The following MTUS2 variants were observed in gnomAD, a reference collection of about 807,000 sequenced individuals.
MTUS2 encodes microtubule-associated tumor suppressor candidate 2.
MTUS2 carries 40 observed loss-of-function variants against 114.1 expected under a neutral mutation model. The observed-to-expected ratio is 0.35, with a 90% CI of 0.27 to 0.46. MTUS2 has a LOEUF of 0.46. Ranked by LOEUF, MTUS2 falls within the 20% of genes least tolerant of loss-of-function variation. The pLI is 1.00. For synonymous variants in MTUS2, 688 were observed against 672.0 expected (o/e 1.02, Z -0.37); for missense variants, 1,679 against 1,705.4 (o/e 0.98, Z 0.27).
At chr13:29,311,143 A>C (rs960532670) in intron 6 of MTUS2, among the ~76,000 whole-genome samples, 1 of 152,240 alleles carries the variant, frequency 6.6e-6, no homozygotes, top group Admixed American at 6.5e-5. Flanking sequence ...GTGTGGTTTC[A>C]TCCACGTCAA....
chr13:29,159,600 A>G (rs1278706162), intron 5 of MTUS2, among the ~76,000 whole-genome samples: 1 of 152,188 alleles, frequency 6.6e-6, no homozygotes, highest in African/African-American at 2.4e-5. Context: ...TGCAAACCAC[A>G]TATCTGACAA....
In MTUS2 at chr13:29,481,099, T is replaced by G. The variant is rs558901383; in HGVS notation, c.3399+735T>G. Among the ~76,000 whole-genome samples, 7 of 152,326 alleles carry G rather than the reference T, an allele frequency of 4.6e-5. No homozygotes were observed. The East Asian group carries it at 1.3e-3, about 29-fold the overall frequency. On this transcript the variant is annotated intron_variant, in intron 10 of 15. Coordinates refer to ENST00000612955, the MANE Select transcript of MTUS2 (RefSeq NM_001033602.4). ...ATTGCCTGCCAACTCTCCTGCTGGA[T>G]CCTGGCACCTGGATCCATGCCTGGC...
intron 8 of MTUS2, among the ~76,000 whole-genome samples, chr13:29,377,433 C>G (rs528399705): frequency 6.6e-6 from 1 of 152,090 alleles, no homozygotes; most frequent in African/African-American, 2.4e-5. Flanking sequence ...GATTTTGTCT[C>G]ATTGATTTGT....
intron 5 of MTUS2, among the ~76,000 whole-genome samples, chr13:29,211,877 T>C (rs1284405075): frequency 5.3e-5 from 8 of 151,962 alleles, no homozygotes; most frequent in South Asian, 2.1e-4. Flanking sequence ...TGTTCTTCAG[T>C]AGTTCTTGGA....
At chr13:29,243,787 G>T (rs1476439113) in intron 5 of MTUS2, among the ~76,000 whole-genome samples, 1 of 152,186 alleles carries the variant, frequency 6.6e-6, no homozygotes, top group Non-Finnish European at 1.5e-5. Flanking sequence ...TTGAAGAACA[G>T]AAACTCATTC....
chr13:29,389,345 G>GCATA (rs1872917129), intron 8 of MTUS2, among the ~76,000 whole-genome samples: 4 of 51,856 alleles, frequency 7.7e-5, no homozygotes, highest in Admixed American at 1.7e-4. Flanking sequence ...ATGTATGCAC[G>GCATA]TGTGTGTATA....
chr13:29,487,475 A>T (rs1229581487), intron 10 of MTUS2: 1 of 175,424 alleles, frequency 5.7e-6, no homozygotes, highest in African/African-American at 2.4e-5. Flanking sequence ...GGACAGCCTA[A>T]TAAGTATTCG....
At chr13:28,991,551 G>GTAGAGAC (rs536476131) in intron 2 of MTUS2, among the ~76,000 whole-genome samples, 44 of 152,096 alleles carry the variant, frequency 2.9e-4, no homozygotes, top group South Asian at 1.0e-3. Context: ...TGTATTTTTA[G>GTAGAGAC]TAGAGACGGG....
At chr13:29,024,089 G>A (rs1336453647) in intron 2 of MTUS2, among the ~76,000 whole-genome samples, 1 of 152,166 alleles carries the variant, frequency 6.6e-6, no homozygotes, top group Non-Finnish European at 1.5e-5. Flanking sequence ...TATGAATGTA[G>A]CGATTGCAAA....
intron 1 of MTUS2, among the ~76,000 whole-genome samples, chr13:28,837,906 C>G (rs1875204820): frequency 1.3e-5 from 2 of 152,122 alleles, no homozygotes; most frequent in Admixed American, 1.3e-4. Context: ...CTCTGAATGT[C>G]AGATTTACTT....
At chr13:29,418,015 T>G (rs2138579943) in intron 8 of MTUS2, among the ~76,000 whole-genome samples, 1 of 152,274 alleles carries the variant, frequency 6.6e-6, no homozygotes, top group South Asian at 2.1e-4. Context: ...TTTTGATTTT[T>G]TGGTACTCTT....
At chr13:29,306,483 A>G (rs1256789098) in intron 6 of MTUS2, among the ~76,000 whole-genome samples, 2 of 152,176 alleles carry the variant, frequency 1.3e-5, no homozygotes, top group East Asian at 1.9e-4. Context: ...TAGCATTCCT[A>G]TACACCAACA....
At chr13:28,926,727 A>G (rs895935046) in intron 2 of MTUS2, among the ~76,000 whole-genome samples, 1 of 152,212 alleles carries the variant, frequency 6.6e-6, no homozygotes, top group Non-Finnish European at 1.5e-5. Context: ...TTTATCAATC[A>G]TCTTTTCATT....
At chr13:29,415,242 CAGG>C (rs1875580001) in intron 8 of MTUS2, among the ~76,000 whole-genome samples, 1 of 152,038 alleles carries the variant, frequency 6.6e-6, no homozygotes, top group African/African-American at 2.4e-5. Context: ...ATTTGAAAAA[CAGG>C]TATAGTCACT....
At chr13:29,031,237 G>GGTGTGTGTGT (rs59288953) in intron 3 of MTUS2, among the ~76,000 whole-genome samples, 20,991 of 122,802 alleles carry the variant, frequency 0.17, 2,156 homozygotes, top group East Asian at 0.4. Flanking sequence ...AGAACTAATA[G>GGTGTGTGTGT]GTGTGTGTGT....
rs758853238 is a variant in MTUS2 at position 29,498,501 on chromosome 13, C to T, written c.3762C>T (p.His1254=). 8.1e-6 allele frequency: 13 copies of T among 1,614,016 alleles called. No homozygotes were observed. The highest frequency in any genetic ancestry group is 5.0e-5 in the Admixed American group (3 of 60,002). Residue 1254 remains histidine, a synonymous_variant, in exon 14 of 16, where the codon CAC becomes CAT. Coordinates refer to ENST00000612955, the MANE Select transcript of MTUS2 (RefSeq NM_001033602.4). ...QVLEMKNQQI[H]EQEKKILELE... ...TAGAAATGAAGAATCAGCAAATACACGAGCAAGAAAAGAAGATTCTTGAGC... is the reference window on the plus strand; with the variant it reads ...TAGAAATGAAGAATCAGCAAATACATGAGCAAGAAAAGAAGATTCTTGAGC...
chr13:29,137,990 G>C (rs1387327342), intron 5 of MTUS2, among the ~76,000 whole-genome samples: 1 of 152,134 alleles, frequency 6.6e-6, no homozygotes, highest in Non-Finnish European at 1.5e-5. Flanking sequence ...GCAGGAGGGG[G>C]AACAACATAG....
chr13:28,970,682 G>A (rs1457197659), intron 2 of MTUS2, among the ~76,000 whole-genome samples: 3 of 152,220 alleles, frequency 2.0e-5, no homozygotes, highest in African/African-American at 7.2e-5. Flanking sequence ...TGCTCTCTGA[G>A]AAGAAAGATT....
In MTUS2 at chr13:29,401,702, T is replaced by C. The variant is rs1433461274; in HGVS notation, c.3118-38281T>C. 2.0e-5 allele frequency among the ~76,000 whole-genome samples: 3 copies of C among 152,198 alleles called. No homozygotes were observed. The East Asian group carries it at 5.8e-4, about 29-fold the overall frequency. ...TCTGGCTCTTTTTTTGTTCCGTGGA[T>C]CAGCTTGTTTATATCTGTGCCAGAA... is the stretch of plus-strand genomic sequence containing the variant. On this transcript the variant is annotated intron_variant, in intron 8 of 15. Coordinates refer to ENST00000612955, the MANE Select transcript of MTUS2 (RefSeq NM_001033602.4).
Sources: gnomAD v4.1 joint callset for allele counts (sites outside exome capture counted in the v4.1 genomes callset) on GRCh38, gnomAD v4.1.1 for gene constraint, MANE v1.5 for transcripts, NCBI Gene and HGNC (gene_info 2026-07-23, HGNC 2026-07-21) for gene names.